Variants in TENM3 observed in about 807,000 individuals in gnomAD.
The protein encoded by TENM3 is teneurin transmembrane protein 3.
TENM3 carries 63 observed loss-of-function variants against 255.1 expected under a neutral mutation model. The observed-to-expected ratio is 0.25, with a 90% confidence interval of 0.20 to 0.30. The LOEUF is 0.30. Ranked by LOEUF, TENM3 falls within the 10% of genes least tolerant of loss-of-function variation. TENM3 has a pLI of 1.00. For synonymous variants in TENM3, 1,306 were observed against 1,322.3 expected (o/e 0.99, Z 0.27); for missense variants, 2,929 against 3,461.1 (o/e 0.85, Z 3.86).
At chr4:181,624,136 G>A in the TENM3 span, among the ~76,000 whole-genome samples, 1 of 152,118 alleles carries the variant, frequency 6.6e-6, no homozygotes, top group African/African-American at 2.4e-5. Flanking sequence ...TATCCCACAA[G>A]ATGGGCGAGG....
At chr4:182,035,724 T>C in the TENM3 span, among the ~76,000 whole-genome samples, 3 of 152,194 alleles carry the variant, frequency 2.0e-5, no homozygotes, top group Admixed American at 6.5e-5. Context: ...TTTCCGTCCT[T>C]TTTCAATCAC....
the TENM3 span, among the ~76,000 whole-genome samples, chr4:181,819,460 T>C: frequency 0.61 from 92,110 of 152,030 alleles, 28,475 homozygotes; most frequent in Admixed American, 0.72. Context: ...CCCACAACCA[T>C]GGAGAACAGA....
At chr4:181,660,313 C>T in the TENM3 span, among the ~76,000 whole-genome samples, 3 of 152,094 alleles carry the variant, frequency 2.0e-5, no homozygotes, top group Non-Finnish European at 4.4e-5. Context: ...TTAATGTGCT[C>T]TTTTGCCATA....
At chr4:181,787,391 G>A in the TENM3 span, among the ~76,000 whole-genome samples, 1 of 151,378 alleles carries the variant, frequency 6.6e-6, no homozygotes, top group Non-Finnish European at 1.5e-5. Context: ...CAGGCTGGAG[G>A]GCAATGGCGC....
chr4:182,738,644 G>A (rs1213871462), intron 18 of TENM3, 100 bp downstream of exon 18: 7 of 940,940 alleles, frequency 7.4e-6, no homozygotes, highest in Admixed American at 6.7e-5. Context: ...AACATTTTAT[G>A]CTATCCATGC....
the TENM3 span, among the ~76,000 whole-genome samples, chr4:181,676,303 A>G: frequency 6.6e-6 from 1 of 152,192 alleles, no homozygotes. Flanking sequence ...GTAGGGGAGG[A>G]CATACTAACA....
the TENM3 span, among the ~76,000 whole-genome samples, chr4:182,045,001 T>C: frequency 6.6e-6 from 1 of 152,232 alleles, no homozygotes; most frequent in Non-Finnish European, 1.5e-5. Flanking sequence ...AGTATCTCTA[T>C]GTTTGTTGTC....
intron 1 of TENM3, among the ~76,000 whole-genome samples, chr4:182,168,018 A>T (rs1183371017): frequency 4.6e-5 from 7 of 152,352 alleles, no homozygotes; most frequent in African/African-American, 1.7e-4. Context: ...ATTTCTGTTC[A>T]TCCCGTCACA....
the TENM3 span, among the ~76,000 whole-genome samples, chr4:181,904,435 CA>C: frequency 2.0e-5 from 3 of 151,922 alleles, no homozygotes; most frequent in African/African-American, 7.3e-5. Context: ...ATGCCTGTAT[CA>C]AAACATCACA....
At chr4:181,767,424 A>G in the TENM3 span, among the ~76,000 whole-genome samples, 2 of 152,308 alleles carry the variant, frequency 1.3e-5, no homozygotes, top group Admixed American at 1.3e-4. Flanking sequence ...TTTATCATCA[A>G]TCAACATAAG....
chr4:182,570,344 A>G (rs1306239858), intron 3 of TENM3, among the ~76,000 whole-genome samples: 1 of 152,196 alleles, frequency 6.6e-6, no homozygotes, highest in Non-Finnish European at 1.5e-5. Context: ...CAGGAAAAAA[A>G]CGAAGTAGAT....
intron 3 of TENM3, among the ~76,000 whole-genome samples, chr4:182,352,935 A>G (rs1306304148): frequency 6.6e-6 from 1 of 152,094 alleles, no homozygotes; most frequent in Non-Finnish European, 1.5e-5. Flanking sequence ...CTCTTCCTGA[A>G]CAACTGCAGA....
At chr4:182,274,702 G>A (rs541083887) in intron 1 of TENM3, among the ~76,000 whole-genome samples, 161 of 152,276 alleles carry the variant, frequency 1.1e-3, no homozygotes, top group Non-Finnish European at 2.0e-3. Context: ...CTTTGTATTT[G>A]AGCTCTGAAA....
intron 3 of TENM3, among the ~76,000 whole-genome samples, chr4:182,357,532 T>C (rs1401556844): frequency 6.7e-6 from 1 of 149,544 alleles, no homozygotes; most frequent in African/African-American, 2.4e-5. Context: ...GAAGTGTCTG[T>C]TCATGTCCTT....
At chr4:181,956,496 A>G in the TENM3 span, among the ~76,000 whole-genome samples, 1 of 151,858 alleles carries the variant, frequency 6.6e-6, no homozygotes. Context: ...GCTATATTCC[A>G]AGTAGCTAGA....
intron 4 of TENM3, among the ~76,000 whole-genome samples, chr4:182,607,223 C>T (rs560588352): frequency 6.6e-6 from 1 of 152,250 alleles, no homozygotes; most frequent in South Asian, 2.1e-4. Context: ...CATAAAGTAG[C>T]TCTCATCTCT....
At chr4:182,284,761 G>T (rs1374227733) in intron 1 of TENM3, among the ~76,000 whole-genome samples, 1 of 152,172 alleles carries the variant, frequency 6.6e-6, no homozygotes, top group Non-Finnish European at 1.5e-5. Flanking sequence ...GAACAGATGA[G>T]ATTGTGAATT....
chr4:182,273,712 T>A lies in TENM3; in HGVS notation c.-76+30236T>A, dbSNP rs185714383. ...CACTCCAAGAGCTTGGCCTACCCTA[T>A]TCAGACTTGAGGAGCAGGCCACATT... is the stretch of plus-strand genomic sequence containing the variant. On this transcript the variant is annotated intron_variant, in intron 1 of 27. Transcript: ENST00000511685. 3.3e-5 allele frequency among the ~76,000 whole-genome samples: 5 copies of A among 152,304 alleles called. No individual in the cohort carries two copies. In the East Asian group the frequency reaches 7.7e-4, roughly 24 times the overall value.
chr4:182,753,708 T>A lies in TENM3; in HGVS notation c.4017+104T>A, dbSNP rs1023272000. 22 of 1,080,600 alleles carry A rather than the reference T, an allele frequency of 2.0e-5. No individual in the cohort carries two copies. The Admixed American group carries it at 5.6e-4, about 28-fold the overall frequency. 66.9% of individuals were successfully genotyped at this position (1,080,600 alleles called of 1,614,324 possible). A position where few individuals can be genotyped will look rare whatever the true frequency, so the allele number is the denominator to read the frequency against. On this transcript the variant is annotated intron_variant, in intron 21 of 27. Coordinates refer to ENST00000511685, the MANE Select transcript of TENM3 (RefSeq NM_001080477.4). ...CATATTAAACTGCATATATCATGTG[T>A]TGCAGTGGTTCTGATAGGGCAGTTC...
Sources: gnomAD v4.1 joint callset for allele counts (sites outside exome capture counted in the v4.1 genomes callset) on GRCh38, gnomAD v4.1.1 for gene constraint, MANE v1.5 for transcripts, NCBI Gene and HGNC (gene_info 2026-07-23, HGNC 2026-07-21) for gene names.